Variants in ZNF804A observed in about 807,000 individuals in gnomAD.
ZNF804A encodes zinc finger protein 804A.
In ZNF804A, 2 loss-of-function variants were observed where a neutral mutation model predicts 16.5. The observed-to-expected ratio is 0.12, with a 90% CI of 0.05 to 0.38. The LOEUF is 0.38. Among genes scored for constraint, ZNF804A ranks in the 10% least tolerant of loss-of-function variants. ZNF804A has a pLI of 0.99. For synonymous variants in ZNF804A, 534 were observed against 489.6 expected (o/e 1.09, Z -1.20); for missense variants, 1,473 against 1,390.7 (o/e 1.06, Z -0.94).
intron 1 of ZNF804A, among the ~76,000 whole-genome samples, chr2:184,650,269 A>G (rs1356397977): frequency 1.3e-5 from 2 of 152,108 alleles, no homozygotes; most frequent in Admixed American, 6.6e-5. Context: ...TCCCTTCATG[A>G]TAAAAACTCT....
intron 1 of ZNF804A, among the ~76,000 whole-genome samples, chr2:184,849,067 T>C (rs1254009568): frequency 6.6e-6 from 1 of 152,058 alleles, no homozygotes; most frequent in East Asian, 1.9e-4. Flanking sequence ...AACTAACTGG[T>C]GCTCCATCTC....
intron 1 of ZNF804A, among the ~76,000 whole-genome samples, chr2:184,750,726 T>C (rs775310447): frequency 1.3e-5 from 2 of 151,436 alleles, no homozygotes; most frequent in Non-Finnish European, 3.0e-5. Context: ...AAGTGCACAA[T>C]ACACTATTGT....
chr2:184,673,298 G>C (rs992062118), intron 1 of ZNF804A, among the ~76,000 whole-genome samples: 2 of 152,138 alleles, frequency 1.3e-5, no homozygotes, highest in African/African-American at 4.8e-5. Flanking sequence ...TGTATGCTTT[G>C]CAATTATCCT....
At chr2:184,644,672 A>G (rs141864061) in intron 1 of ZNF804A, among the ~76,000 whole-genome samples, 145 of 152,098 alleles carry the variant, frequency 9.5e-4, no homozygotes, top group African/African-American at 2.8e-3. Context: ...AATGAAGATA[A>G]GACACTCTTT....
At chr2:184,719,549 C>A (rs1221459258) in intron 1 of ZNF804A, among the ~76,000 whole-genome samples, 1 of 152,122 alleles carries the variant, frequency 6.6e-6, no homozygotes, top group East Asian at 1.9e-4. Context: ...AGCAAGTCAC[C>A]TTTTGAATGC....
intron 1 of ZNF804A, among the ~76,000 whole-genome samples, chr2:184,709,561 G>T (rs1274430366): frequency 5.3e-5 from 8 of 151,584 alleles, no homozygotes; most frequent in Admixed American, 5.3e-4. Context: ...TTTAAAAGTG[G>T]TACAGTTTGC....
At chr2:184,750,200 C>G (rs1361761160) in intron 1 of ZNF804A, among the ~76,000 whole-genome samples, 1 of 151,160 alleles carries the variant, frequency 6.6e-6, no homozygotes, top group Non-Finnish European at 1.5e-5. Context: ...TTTAAGGATT[C>G]TATAAACCAA....
intron 2 of ZNF804A, among the ~76,000 whole-genome samples, chr2:184,892,483 C>CTTTTTTTTTT (rs869292193): frequency 4.7e-5 from 5 of 105,742 alleles, no homozygotes; most frequent in South Asian, 3.8e-4. Context: ...TTGTTGTGTT[C>CTTTTTTTTTT]TTTTTTTTTT....
At position 184,824,983 on chromosome 2, in the gene ZNF804A, A is replaced by G. The variant is rs933236434; in HGVS notation, c.112-41386A>G. The stretch of plus-strand genomic sequence containing the variant: ...AGCCACAAGCCAGATTTAAGGGAAA[A>G]CATGTAAGCCCCACGTCTCAATATG... On this transcript the variant is annotated intron_variant, in intron 1 of 3. Transcript: ENST00000302277. Among the ~76,000 whole-genome samples, 8 of 152,298 alleles carry G rather than the reference A, an allele frequency of 5.3e-5. 1 individual carries two copies. The East Asian group carries it at 1.2e-3, about 22-fold the overall frequency.
At chr2:184,904,021 A>T (rs752659610) in intron 2 of ZNF804A, among the ~76,000 whole-genome samples, 1 of 152,106 alleles carries the variant, frequency 6.6e-6, no homozygotes, top group African/African-American at 2.4e-5. Context: ...TATTCAGTAA[A>T]CTTGCAGGAT....
chr2:184,682,403 G>A (rs900568563), intron 1 of ZNF804A, among the ~76,000 whole-genome samples: 3 of 152,282 alleles, frequency 2.0e-5, no homozygotes, highest in Middle Eastern at 3.4e-3. Flanking sequence ...TTACGTGGAT[G>A]TTAATTTGGA....
chr2:184,739,919 C>A (rs965284584), intron 1 of ZNF804A, among the ~76,000 whole-genome samples: 3 of 152,108 alleles, frequency 2.0e-5, no homozygotes, highest in African/African-American at 7.2e-5. Flanking sequence ...ACATTCATTT[C>A]TATATTTAAA....
At chr2:184,813,197 T>A (rs1409845522) in intron 1 of ZNF804A, among the ~76,000 whole-genome samples, 1 of 152,060 alleles carries the variant, frequency 6.6e-6, no homozygotes, top group African/African-American at 2.4e-5. Flanking sequence ...AAAATTGTGT[T>A]TTATGGATTA....
chr2:184,651,247 A>G (rs1691978752), intron 1 of ZNF804A, among the ~76,000 whole-genome samples: 2 of 152,166 alleles, frequency 1.3e-5, no homozygotes, highest in South Asian at 4.1e-4. Flanking sequence ...CATATACAGA[A>G]GGTGGAAACT....
In ZNF804A at chr2:184,936,085, C is replaced by G; in HGVS notation, c.689C>G (p.Ala230Gly). The G allele has an allele frequency of 6.2e-7, 1 of 1,614,056 alleles. No individual in the cohort carries two copies. The highest frequency in any genetic ancestry group is 8.5e-7 in the Non-Finnish European group (1 of 1,179,958). The change falls in exon 4 of 4, where the codon GCT becomes GGT. Residue 230 changes from alanine to glycine, a missense_variant. Ala to Gly is a moderately conservative substitution (Grantham distance 60). Coordinates refer to ENST00000302277, the MANE Select transcript of ZNF804A (RefSeq NM_194250.2). ...GCGTCCGTGAAGCTAGAGTCCTCAG[C>G]TGCAGCCTTCTCTGAATACAGTGAT... is the stretch of plus-strand genomic sequence containing the variant. Reference protein sequence around the residue: ...KKASVKLESSAAAFSEYSDDA... With the variant: ...KKASVKLESSGAAFSEYSDDA...
At chr2:184,817,569 C>T (rs1027085500) in intron 1 of ZNF804A, among the ~76,000 whole-genome samples, 1 of 151,990 alleles carries the variant, frequency 6.6e-6, no homozygotes, top group Non-Finnish European at 1.5e-5. Context: ...GCTGAATTGA[C>T]AGAAGGAGGC....
At chr2:184,738,807 G>A (rs191060374) in intron 1 of ZNF804A, among the ~76,000 whole-genome samples, 4 of 152,232 alleles carry the variant, frequency 2.6e-5, no homozygotes, top group Admixed American at 1.3e-4. Context: ...GAAACAAGAC[G>A]TCTACAAAGC....
chr2:184,792,927 T>C (rs980348083), intron 1 of ZNF804A, among the ~76,000 whole-genome samples: 8 of 152,086 alleles, frequency 5.3e-5, no homozygotes, highest in African/African-American at 1.4e-4. Context: ...CCTCCCTCCT[T>C]CCCACCACCC....
intron 2 of ZNF804A, among the ~76,000 whole-genome samples, chr2:184,909,997 A>C (rs1197777892): frequency 6.6e-6 from 1 of 151,910 alleles, no homozygotes; most frequent in Non-Finnish European, 1.5e-5. Context: ...AATTTTTTAT[A>C]ATTTTGAATT....
Sources: gnomAD v4.1 joint callset for allele counts (sites outside exome capture counted in the v4.1 genomes callset) on GRCh38, gnomAD v4.1.1 for gene constraint, MANE v1.5 for transcripts, NCBI Gene and HGNC (gene_info 2026-07-23, HGNC 2026-07-21) for gene names.